Variants in FCF1 observed in about 807,000 individuals in gnomAD.
The protein encoded by FCF1 is rRNA-processing protein FCF1 homolog.
FCF1 carries 17 observed loss-of-function variants against 32.5 expected under a neutral mutation model. That is an observed-to-expected ratio of 0.52 (90% CI 0.36 to 0.78). The LOEUF is 0.78. Ranked by LOEUF, FCF1 falls within the 30% of genes least tolerant of loss-of-function variation. The pLI is 0.00. For missense variants in FCF1, 201 were observed against 241.1 expected (o/e 0.83, Z 1.10); for synonymous variants, 84 against 78.4 (o/e 1.07, Z -0.38).
intron 4 of FCF1, among the ~76,000 whole-genome samples, chr14:74,721,105 T>C (rs377065655): frequency 5.0e-4 from 75 of 150,304 alleles, no homozygotes; most frequent in African/African-American, 1.7e-3. Context: ...AGTGCAGTGG[T>C]GCAATATCGG....
intron 5 of FCF1, among the ~76,000 whole-genome samples, chr14:74,730,868 G>T (rs548396789): frequency 6.6e-6 from 1 of 152,076 alleles, no homozygotes; most frequent in Admixed American, 6.6e-5. Context: ...GCATGGTGGC[G>T]CATGCCTGTA....
In FCF1 at chr14:74,738,385, T is replaced by C. The variant is rs535824369; in HGVS notation, c.*3455T>C. On this transcript the variant is annotated 3_prime_UTR_variant, in exon 8 of 8. Transcript: ENST00000341162. ...ACGTGTTTATCACCTTTGGATAGAA[T>C]TCTTAAGCAGAATCTAAAAAGATTG... 5.3e-5 allele frequency: 8 copies of C among 152,342 alleles called. No individual in the cohort carries two copies. The East Asian group carries it at 1.2e-3, about 22-fold the overall frequency. 9.4% of individuals were successfully genotyped at this position (152,342 alleles called of 1,614,324 possible). A position where few individuals can be genotyped will look rare whatever the true frequency, so the allele number is the denominator to read the frequency against.
intron 4 of FCF1, among the ~76,000 whole-genome samples, chr14:74,721,688 A>T (rs1258854598): frequency 1.3e-5 from 2 of 152,214 alleles, no homozygotes; most frequent in Non-Finnish European, 2.9e-5. Context: ...TCAAAAAAAA[A>T]TAAAGAATGA....
chr14:74,737,821 A>G lies in FCF1; in HGVS notation c.*2891A>G, dbSNP rs1179534700. 2 of 152,126 alleles carry G rather than the reference A, an allele frequency of 1.3e-5. No individual in the cohort carries two copies. The highest frequency in any genetic ancestry group is 2.4e-5 in the African/African-American group (1 of 41,428). The allele number at this position is 152,126 out of a possible 1,614,324, so 9.4% of individuals were successfully genotyped here. ...AACATGGAGAAACCCCATCTCTACT[A>G]AAAATACAAAAAAACAATTAGGCAG... On this transcript the variant is annotated 3_prime_UTR_variant, in exon 8 of 8. Coordinates refer to ENST00000341162, the MANE Select transcript of FCF1 (RefSeq NM_015962.5).
Position 74,713,247 on chromosome 14 carries a change from G to A in FCF1, c.3+47G>A, listed in dbSNP as rs748465722. ...AGGGACGTTATCAGGCCACTTTTTG[G>A]GTGGAGAAGGAGGTAGTCAGACCGT... On this transcript the variant is annotated intron_variant, in intron 1 of 7. Coordinates refer to ENST00000341162, the MANE Select transcript of FCF1 (RefSeq NM_015962.5). 5 of 1,614,172 alleles carry A rather than the reference G, an allele frequency of 3.1e-6. No homozygotes were observed. In the Admixed American group the frequency reaches 8.3e-5, roughly 27 times the overall value.
intron 4 of FCF1, among the ~76,000 whole-genome samples, chr14:74,721,775 TAA>T (rs2090507041): frequency 6.6e-6 from 1 of 152,248 alleles, no homozygotes. Context: ...TTCTATTGTT[TAA>T]ATACATAATT....
At chr14:74,734,666 C>G (rs1210839260) in intron 7 of FCF1, among the ~76,000 whole-genome samples, 2 of 152,162 alleles carry the variant, frequency 1.3e-5, no homozygotes, top group African/African-American at 2.4e-5. Flanking sequence ...TCCTCAGTTC[C>G]CCTCTTGCTG....
intron 1 of FCF1, 57 bp from the exon 2 acceptor site, chr14:74,713,428 A>G (rs114602349): frequency 1.3e-6 from 2 of 1,575,770 alleles, no homozygotes; most frequent in South Asian, 1.1e-5. Flanking sequence ...AAAAGAAGAG[A>G]CTTTAAAAGA....
chr14:74,724,171 G>A (rs1437148145), intron 5 of FCF1, among the ~76,000 whole-genome samples: 1 of 152,146 alleles, frequency 6.6e-6, no homozygotes, highest in Non-Finnish European at 1.5e-5. Context: ...GTAAAATCCA[G>A]GTTGTTCATA....
At chr14:74,732,154 T>TTA (rs57872736) in intron 5 of FCF1, among the ~76,000 whole-genome samples, 33,075 of 149,914 alleles carry the variant, frequency 0.22, 3,693 homozygotes, top group South Asian at 0.31. Context: ...TTAAATCATA[T>TTA]TATATATATA....
chr14:74,713,212 C>A lies in FCF1; in HGVS notation c.3+12C>A, dbSNP rs761574617. ...TTGGCGTGACCATGGTGAGAGAAGA[C>A]GGTCCAAGAAGGGACGTTATCAGGC... On this transcript the variant is annotated intron_variant, in intron 1 of 7. Coordinates refer to ENST00000341162, the MANE Select transcript of FCF1 (RefSeq NM_015962.5). The A allele has an allele frequency of 6.2e-7, 1 of 1,614,166 alleles. No homozygotes were observed. Among genetic ancestry groups the A allele is most frequent in the Non-Finnish European group, 8.5e-7 (1 of 1,180,032 alleles).
intron 5 of FCF1, among the ~76,000 whole-genome samples, chr14:74,725,080 A>AG (rs397779030): frequency 1.3e-4 from 19 of 151,466 alleles, no homozygotes; most frequent in Non-Finnish European, 2.5e-4. Flanking sequence ...AAAAAAAAAA[A>AG]GAAAGAAAAA....
At position 74,735,089 on chromosome 14, in the gene FCF1, T is replaced by C; in HGVS notation, c.*159T>C. 3 of 542,146 alleles carry C rather than the reference T, an allele frequency of 5.5e-6. No homozygotes were observed. The highest frequency in any genetic ancestry group is 1.9e-5 in the South Asian group (1 of 52,722). The allele number at this position is 542,146 out of a possible 1,614,324, so 33.6% of individuals were successfully genotyped here. On this transcript the variant is annotated 3_prime_UTR_variant, in exon 8 of 8. Transcript: ENST00000341162. ...GTGCACCAGCCCAGTCAGATTAACA[T>C]CCAAAGGACTGAACCCTGAACAGAG...
chr14:74,729,472 G>A (rs182990088), intron 5 of FCF1, among the ~76,000 whole-genome samples: 14 of 152,044 alleles, frequency 9.2e-5, no homozygotes, highest in Middle Eastern at 3.4e-3. Context: ...TTTTTATTGC[G>A]TCTATTTGAT....
At chr14:74,726,930 G>A (rs1466800922) in intron 5 of FCF1, among the ~76,000 whole-genome samples, 5 of 151,748 alleles carry the variant, frequency 3.3e-5, no homozygotes, top group South Asian at 2.1e-4. Context: ...TACAAAGGAC[G>A]TGAACTCATC....
chr14:74,717,085 C>T (rs894742684), intron 4 of FCF1, among the ~76,000 whole-genome samples: 2 of 152,074 alleles, frequency 1.3e-5, no homozygotes, highest in African/African-American at 2.4e-5. Flanking sequence ...TCCCAGCACT[C>T]GCGGTGGCTC....
In FCF1 at chr14:74,726,806, T is replaced by C. The variant is rs187266254; in HGVS notation, c.365+3462T>C. On this transcript the variant is annotated intron_variant, in intron 5 of 7. Transcript: ENST00000341162. ...AGAGTGTGATGTTCCCCTTCCTGTG[T>C]CCATGTGTTCTCATTGTTCAGTTCC... 6.1e-4 allele frequency among the ~76,000 whole-genome samples: 92 copies of C among 150,996 alleles called. 1 individual carries two copies. Among genetic ancestry groups the C allele is most frequent in the Middle Eastern group, 3.4e-3 (1 of 294 alleles).
intron 5 of FCF1, among the ~76,000 whole-genome samples, chr14:74,724,532 C>T (rs895814230): frequency 2.6e-5 from 4 of 152,194 alleles, no homozygotes; most frequent in Non-Finnish European, 5.9e-5. Context: ...GTGATCCTCC[C>T]ACCTTGGCCT....
chr14:74,718,941 C>A (rs1034806221), intron 4 of FCF1, among the ~76,000 whole-genome samples: 2 of 151,838 alleles, frequency 1.3e-5, no homozygotes, highest in African/African-American at 4.8e-5. Context: ...ATCAGCCCGG[C>A]CAACATGGTG....
Sources: gnomAD v4.1 joint callset for allele counts (sites outside exome capture counted in the v4.1 genomes callset) on GRCh38, gnomAD v4.1.1 for gene constraint, MANE v1.5 for transcripts, NCBI Gene and HGNC (gene_info 2026-07-23, HGNC 2026-07-21) for gene names.